The following PDE2A variants were observed in gnomAD, a reference collection of about 807,000 sequenced individuals.
The protein encoded by PDE2A is cGMP-dependent 3',5'-cyclic phosphodiesterase.
PDE2A carries 53 observed loss-of-function variants against 133.6 expected under a neutral mutation model. The ratio of observed to expected loss-of-function variants is 0.40; its 90% CI spans 0.32 to 0.50. The LOEUF (loss-of-function observed/expected upper bound fraction) is 0.50. Ranked by LOEUF, PDE2A falls within the 20% of genes least tolerant of loss-of-function variation. The pLI is 0.73. For missense variants in PDE2A, 796 were observed against 1,232.4 expected, an observed-to-expected ratio of 0.65 and a Z score of 5.30; for synonymous variants, 491 against 490.2, an observed-to-expected ratio of 1.00 and a Z score of -0.02.
chr11:72,581,336 G>A, intron 23 of PDE2A, 21 bp downstream of exon 23: 2 of 1,611,730 alleles, frequency 1.2e-6, no homozygotes, highest in Non-Finnish European at 1.7e-6. Context: ...TGCCAGATGT[G>A]GGGGAGATGC....
chr11:72,584,202 TG>T lies in PDE2A; in HGVS notation c.1648del (p.His550IlefsTer8). ...CCCCACTCCCAACCCCGCCCTCACA[TG>T]GGCGATGCTGATGCCGCAGTAGATG... ...FSIYCGISIA[H>X]SLLYKKVNEA... On this transcript the variant is annotated frameshift_variant and splice_region_variant, in exon 19 of 31. Coordinates refer to ENST00000334456, the MANE Select transcript of PDE2A (RefSeq NM_002599.5). LOFTEE classifies it high-confidence loss of function. The T allele has an allele frequency of 1.1e-6, 1 of 905,206 alleles. No individual in the cohort carries two copies. Among genetic ancestry groups the T allele is most frequent in the East Asian group, 4.8e-5 (1 of 20,834 alleles). The allele number at this position is 905,206 out of a possible 1,614,324, so 56.1% of individuals were successfully genotyped here.
chr11:72,584,884 C>T lies in PDE2A; in HGVS notation c.1347G>A (p.Val449=). 1 of 1,614,136 alleles carries T rather than the reference C, an allele frequency of 6.2e-7. No homozygotes were observed. The highest frequency in any genetic ancestry group is 1.1e-5 in the South Asian group (1 of 91,086). ...ELVAKVFDGG[V]VDDESYEIRI... ...CACACCCTCTCACCTCATCATCCAC[C>T]ACGCCCCCGTCGAACACCTTGGCCA... Residue 449 remains valine (V), a synonymous_variant, in exon 17 of 31, where the codon GTG becomes GTA. Coordinates refer to ENST00000334456, the MANE Select transcript of PDE2A (RefSeq NM_002599.5).
intron 2 of PDE2A, among the ~76,000 whole-genome samples, chr11:72,638,279 T>A (rs1253066267): frequency 6.6e-6 from 1 of 151,812 alleles, no homozygotes; most frequent in Non-Finnish European, 1.5e-5. Context: ...GAGATGAGAG[T>A]CCCCTCATCC....
chr11:72,664,184 C>G (rs1855159199), intron 1 of PDE2A, among the ~76,000 whole-genome samples: 1 of 152,104 alleles, frequency 6.6e-6, no homozygotes, highest in Admixed American at 6.5e-5. Flanking sequence ...CTCTCCTCGG[C>G]CCCCCTCTGC....
rs540457728 is a variant in PDE2A, at chr11:72,646,071, G to A, written c.72-3745C>T. 2.4e-4 allele frequency among the ~76,000 whole-genome samples: 37 copies of A among 152,268 alleles called. No homozygotes were observed. In the South Asian group the frequency reaches 7.5e-3, roughly 31 times the overall value. ...CAGTGGCTGAGGGTCCTACTATCCC[G>A]GTGTCTGCACCCTCTGCCCATCTCG... is the stretch of plus-strand genomic sequence containing the variant. On this transcript the variant is annotated intron_variant, in intron 1 of 30. Transcript: ENST00000334456.
At chr11:72,659,945 C>G (rs1245406220) in intron 1 of PDE2A, among the ~76,000 whole-genome samples, 5 of 152,162 alleles carry the variant, frequency 3.3e-5, no homozygotes, top group African/African-American at 1.2e-4. Context: ...CTGCCAGGAA[C>G]CAAGGCCCAG....
intron 16 of PDE2A, 124 bp downstream of exon 16, chr11:72,585,247 C>A: frequency 1.2e-6 from 1 of 800,216 alleles, no homozygotes. Flanking sequence ...AATAAAGGAT[C>A]CCTCAAAAGG....
chr11:72,643,187 G>A (rs1015551438), intron 1 of PDE2A: 2 of 152,212 alleles, frequency 1.3e-5, no homozygotes, highest in Non-Finnish European at 2.9e-5. Context: ...CGGCAGCCGC[G>A]ACGCTCCTGC....
Position 72,581,476 on chromosome 11 carries a change from G to A in PDE2A, c.1926C>T (p.Phe642=). The A allele has an allele frequency of 6.3e-7, 1 of 1,593,052 alleles. No homozygotes were observed. The highest frequency in any genetic ancestry group is 8.5e-7 in the Non-Finnish European group (1 of 1,170,606). The change falls in exon 23 of 31, where the codon TTC becomes TTT. Residue 642 remains phenylalanine, a synonymous_variant. Transcript: ENST00000334456. The stretch of plus-strand genomic sequence containing the variant: ...GGTAGCCCTTCTTCACCATCAAACA[G>A]AACCTGGGGGAGGGAAGAGGGCAGA... ...YKIDCPTLAR[F]CLMVKKGYRD... is the part of the protein sequence containing the mutation.
chr11:72,604,394 G>T (rs911459170), intron 4 of PDE2A, among the ~76,000 whole-genome samples: 1 of 152,164 alleles, frequency 6.6e-6, no homozygotes, highest in Admixed American at 6.5e-5. Context: ...TGAATTAAAT[G>T]GGCATCAAGG....
intron 21 of PDE2A, 171 bp downstream of exon 21, chr11:72,582,273 C>A: frequency 2.9e-6 from 2 of 682,450 alleles, no homozygotes; most frequent in Non-Finnish European, 4.9e-6. Context: ...AGCCCCTGGG[C>A]AGGCCCTATG....
intron 2 of PDE2A, among the ~76,000 whole-genome samples, chr11:72,641,565 G>A (rs1858952427): frequency 6.6e-6 from 1 of 152,202 alleles, no homozygotes; most frequent in East Asian, 1.9e-4. Context: ...CAGAGGAGAA[G>A]CCCAGAGAAT....
At chr11:72,638,334 C>T (rs1404169586) in intron 2 of PDE2A, among the ~76,000 whole-genome samples, 1 of 152,230 alleles carries the variant, frequency 6.6e-6, no homozygotes, top group African/African-American at 2.4e-5. Flanking sequence ...GCCAACCCTA[C>T]ATGGCAGTTC....
At chr11:72,645,658 G>T (rs1352655228) in intron 1 of PDE2A, among the ~76,000 whole-genome samples, 1 of 152,216 alleles carries the variant, frequency 6.6e-6, no homozygotes, top group Non-Finnish European at 1.5e-5. Context: ...ATTCTAATTT[G>T]CTGCCAGGTC....
intron 19 of PDE2A, 32 bp downstream of exon 19, chr11:72,584,169 A>AC (rs1565149989): frequency 1.1e-6 from 1 of 877,942 alleles, no homozygotes; most frequent in Non-Finnish European, 1.8e-6. Flanking sequence ...GCCCCCTATC[A>AC]CCCCACACCC....
intron 4 of PDE2A, among the ~76,000 whole-genome samples, chr11:72,601,681 G>A (rs915203347): frequency 7.9e-5 from 12 of 152,234 alleles, no homozygotes; most frequent in South Asian, 4.1e-4. Flanking sequence ...ACAAGAAGAG[G>A]AAGGCGGCAG....
chr11:72,638,163 T>C (rs1858787541), intron 2 of PDE2A, among the ~76,000 whole-genome samples: 2 of 152,180 alleles, frequency 1.3e-5, no homozygotes, highest in South Asian at 4.1e-4. Context: ...TGCTGTCTTC[T>C]GACACCAGCC....
intron 1 of PDE2A, among the ~76,000 whole-genome samples, chr11:72,660,132 T>A (rs116849116): frequency 2.0e-5 from 3 of 152,222 alleles, no homozygotes; most frequent in African/African-American, 7.2e-5. Flanking sequence ...AATATTCTTT[T>A]CTTAATTGTC....
intron 1 of PDE2A, among the ~76,000 whole-genome samples, chr11:72,661,368 G>A (rs1212858418): frequency 6.6e-6 from 1 of 152,130 alleles, no homozygotes; most frequent in Non-Finnish European, 1.5e-5. Context: ...GCTCCTCACA[G>A]CTATTCCTAA....
Sources: allele counts gnomAD v4.1 joint callset (sites outside exome capture counted in the v4.1 genomes callset), GRCh38; gene constraint gnomAD v4.1.1; transcripts MANE v1.5; gene names NCBI Gene and HGNC (gene_info 2026-07-23, HGNC 2026-07-21).